SEPTIN11: variants seen among roughly 807,000 people sequenced by gnomAD.
The protein encoded by SEPTIN11 is septin-11.
In SEPTIN11, 25 loss-of-function variants were observed where a neutral mutation model predicts 51.4. That is an observed-to-expected ratio of 0.49 (90% CI 0.35 to 0.68). The LOEUF (loss-of-function observed/expected upper bound fraction) is 0.68, where lower values mean the gene tolerates loss of function less well. Ranked by LOEUF, SEPTIN11 falls within the 30% of genes least tolerant of loss-of-function variation. SEPTIN11 has a pLI of 0.00. For synonymous variants in SEPTIN11, 174 were observed against 184.1 expected (o/e 0.95, Z 0.44); for missense variants, 381 against 520.8 (o/e 0.73, Z 2.61).
chr4:76,981,274 T>C (rs1197095616), intron 1 of SEPTIN11, among the ~76,000 whole-genome samples: 1 of 152,204 alleles, frequency 6.6e-6, no homozygotes, highest in African/African-American at 2.4e-5. Context: ...AGAAAATGGC[T>C]CTTTAAGAGA....
intron 2 of SEPTIN11, among the ~76,000 whole-genome samples, chr4:77,000,098 G>A (rs1383748932): frequency 6.6e-6 from 1 of 152,152 alleles, no homozygotes; most frequent in Non-Finnish European, 1.5e-5. Context: ...ACATACAAAG[G>A]TGAAAATAAG....
chr4:76,986,629 G>T (rs1723048248), intron 1 of SEPTIN11, among the ~76,000 whole-genome samples: 4 of 152,076 alleles, frequency 2.6e-5, no homozygotes, highest in Admixed American at 2.6e-4. Flanking sequence ...CACATGTTGG[G>T]CACCTTCCAC....
At chr4:76,977,331 T>C (rs1722547654) in intron 1 of SEPTIN11, among the ~76,000 whole-genome samples, 2 of 152,284 alleles carry the variant, frequency 1.3e-5, no homozygotes, top group Non-Finnish European at 1.5e-5. Context: ...GTTGCTGCCA[T>C]GGTGGCTAGT....
chr4:76,960,007 C>T (rs747432242), intron 1 of SEPTIN11, among the ~76,000 whole-genome samples: 29 of 152,128 alleles, frequency 1.9e-4, no homozygotes, highest in Non-Finnish European at 3.1e-4. Flanking sequence ...TCTAATTGTA[C>T]TCTTTTAGTT....
intron 2 of SEPTIN11, among the ~76,000 whole-genome samples, chr4:77,002,304 AT>A (rs1399840067): frequency 6.6e-6 from 1 of 152,206 alleles, no homozygotes; most frequent in Non-Finnish European, 1.5e-5. Flanking sequence ...CCTGATTCAC[AT>A]GGGTGCTTAA....
intron 1 of SEPTIN11, chr4:76,972,933 C>G (rs1241308955): frequency 6.6e-6 from 1 of 152,146 alleles, no homozygotes; most frequent in Non-Finnish European, 1.5e-5. Context: ...CTCAGAAAGG[C>G]TAATTAACAC....
Position 77,035,417 on chromosome 4 carries a change from T to C in SEPTIN11, c.*905T>C, listed in dbSNP as rs2109991170. 3.0e-6 allele frequency: 3 copies of C among 985,344 alleles called. No homozygotes were observed. In the South Asian group the frequency reaches 1.4e-4, roughly 46 times the overall value. The allele number at this position is 985,344 out of a possible 1,614,324, so 61.0% of individuals were successfully genotyped here. ...GACCTGATGACTGATTCCAGGATAC[T>C]TGTACTTCTAATAACATTTTTCATG... On this transcript the variant is annotated 3_prime_UTR_variant, in exon 10 of 10. Transcript: ENST00000264893.
Position 77,036,812 on chromosome 4 carries a change from A to G in SEPTIN11, c.*2300A>G. On this transcript the variant is annotated 3_prime_UTR_variant, in exon 10 of 10. Coordinates refer to ENST00000264893, the MANE Select transcript of SEPTIN11 (RefSeq NM_018243.4). ...CGGAATAAATGATACCCTCAAATCT[A>G]ATTGGATGTGCTTTCGCCTTTGCAT... 2 of 1,529,060 alleles carry G rather than the reference A, an allele frequency of 1.3e-6. No individual in the cohort carries two copies. The highest frequency in any genetic ancestry group is 1.7e-6 in the Non-Finnish European group (2 of 1,145,066). 94.7% of individuals were successfully genotyped at this position (1,529,060 alleles called of 1,614,324 possible).
rs145103230 is a variant in SEPTIN11 at position 76,976,519 on chromosome 4, C to T, written c.28-19906C>T. ...ACATTGATCCTGGCCCTCAAAGACT[C>T]GTTGGTTGTTCTCCTTTCCACTAGA... On this transcript the variant is annotated intron_variant, in intron 1 of 9. Transcript: ENST00000264893. 7.7e-4 allele frequency among the ~76,000 whole-genome samples: 118 copies of T among 152,284 alleles called. 1 individual carries two copies. Among genetic ancestry groups the T allele is most frequent in the African/African-American group, 2.8e-3 (115 of 41,562 alleles).
chr4:76,981,177 G>C (rs10518161), intron 1 of SEPTIN11, among the ~76,000 whole-genome samples: 1 of 152,088 alleles, frequency 6.6e-6, no homozygotes, highest in African/African-American at 2.4e-5. Context: ...GATTTATAAC[G>C]GATTGTTGTA....
chr4:76,968,622 A>T (rs1465885368), intron 1 of SEPTIN11, among the ~76,000 whole-genome samples: 1 of 152,194 alleles, frequency 6.6e-6, no homozygotes, highest in Non-Finnish European at 1.5e-5. Flanking sequence ...TGTTTTTGTT[A>T]TGAGTTTTGA....
intron 5 of SEPTIN11, among the ~76,000 whole-genome samples, chr4:77,017,343 A>G (rs1725375479): frequency 6.6e-6 from 1 of 152,204 alleles, no homozygotes; most frequent in Non-Finnish European, 1.5e-5. Context: ...TAGGCTCTTC[A>G]TTACAAACTA....
rs895753208 is a variant in SEPTIN11 at position 76,983,752 on chromosome 4, G to A, written c.28-12673G>A. 4.6e-5 allele frequency among the ~76,000 whole-genome samples: 7 copies of A among 152,170 alleles called. No homozygotes were observed. In the East Asian group the frequency reaches 5.8e-4, roughly 13 times the overall value. On this transcript the variant is annotated intron_variant, in intron 1 of 9. Transcript: ENST00000264893. ...AGGCCAGGTGTGGTGGCTCATGCCC[G>A]TAATCCCAGCACTTTGGGAGGCCGA...
At position 77,024,989 on chromosome 4, in the gene SEPTIN11, CAG is replaced by C. The variant is rs1461587140; in HGVS notation, c.954-3632_954-3631del. ...TCCACTAGATGCTTTTAGATAAGAA[CAG>C]AGAGAGAATCGTGCTGTGTGAATCA... On this transcript the variant is annotated intron_variant, in intron 7 of 9. Transcript: ENST00000264893. The surrounding 1 kb of genome is among the most constrained non-coding windows in gnomAD (Gnocchi z 4.2). Among the ~76,000 whole-genome samples the C allele has an allele frequency of 6.6e-6, 1 of 152,154 alleles. No homozygotes were observed. The highest frequency in any genetic ancestry group is 1.5e-5 in the Non-Finnish European group (1 of 68,040).
chr4:76,957,002 G>C (rs1182219398), intron 1 of SEPTIN11, among the ~76,000 whole-genome samples: 45 of 81,224 alleles, frequency 5.5e-4, no homozygotes, highest in Non-Finnish European at 1.3e-3. Context: ...GTGAGAGAGA[G>C]AGAGACAGAG....
intron 3 of SEPTIN11, among the ~76,000 whole-genome samples, chr4:77,010,786 G>A (rs577063005): frequency 7.3e-5 from 11 of 151,356 alleles, no homozygotes; most frequent in Non-Finnish European, 1.3e-4. Flanking sequence ...TTAACTCTTC[G>A]TATTCCTAAT....
In SEPTIN11 at chr4:77,028,258, C is replaced by A. The variant is rs112595377; in HGVS notation, c.954-371C>A. ...GTATGGCCCAAATTCCAATCCGGAT[C>A]TGTGGGACTCCAGTCCCTCTTCATT... On this transcript the variant is annotated intron_variant, in intron 7 of 9. Transcript: ENST00000264893. Among the ~76,000 whole-genome samples, 1,186 of 152,320 alleles carry A rather than the reference C, an allele frequency of 7.8e-3. 12 individuals carry two copies. Among genetic ancestry groups the A allele is most frequent in the African/African-American group, 0.027 (1,120 of 41,572 alleles).
intron 9 of SEPTIN11, chr4:77,031,648 C>T (rs1172421012): frequency 6.6e-6 from 1 of 152,180 alleles, no homozygotes; most frequent in Non-Finnish European, 1.5e-5. Context: ...CTGCCTGAAA[C>T]CAGTGGGAGA....
intron 3 of SEPTIN11, among the ~76,000 whole-genome samples, chr4:77,008,827 T>A (rs1227173348): frequency 6.6e-6 from 1 of 152,206 alleles, no homozygotes; most frequent in East Asian, 1.9e-4. Context: ...CTGATTGATA[T>A]GGCCACAATT....
Sources: gnomAD v4.1 joint callset for allele counts (sites outside exome capture counted in the v4.1 genomes callset) on GRCh38, gnomAD v4.1.1 for gene constraint, Gnocchi (gnomAD v3.1) non-coding constraint, MANE v1.5 for transcripts, NCBI Gene and HGNC (gene_info 2026-07-23, HGNC 2026-07-21) for gene names.